The following ACACB variants were observed in gnomAD, a reference collection of about 807,000 sequenced individuals.
The protein encoded by ACACB is acetyl-CoA carboxylase beta.
In ACACB, 209 loss-of-function variants were observed where a neutral mutation model predicts 278.8. The ratio of observed to expected loss-of-function variants is 0.75; its 90% CI spans 0.67 to 0.84. The LOEUF (loss-of-function observed/expected upper bound fraction) is 0.84. Among genes scored for constraint, ACACB ranks in the 40% least tolerant of loss-of-function variants. ACACB has a pLI of 0.00. For missense variants in ACACB, 2,850 were observed against 3,269.0 expected, an observed-to-expected ratio of 0.87 and a Z score of 3.13; for synonymous variants, 1,174 against 1,285.6, an observed-to-expected ratio of 0.91 and a Z score of 1.86.
At position 109,252,027 on chromosome 12, in the gene ACACB, G is replaced by A. The variant is rs762609434; in HGVS notation, c.5791-19G>A. The stretch of plus-strand genomic sequence containing the variant: ...CCCTCGCCACTCTCCAGAATTCAGA[G>A]GGGGTCCTCTCTCCACAGGTGACCT... On this transcript the variant is annotated intron_variant, in intron 41 of 52. Coordinates refer to ENST00000338432, the MANE Select transcript of ACACB (RefSeq NM_001093.4). 5.7e-6 allele frequency: 9 copies of A among 1,592,588 alleles called. No homozygotes were observed. Among genetic ancestry groups the A allele is most frequent in the Admixed American group, 5.2e-5 (3 of 57,764 alleles).
At chr12:109,254,068 C>A in intron 43 of ACACB, 146 bp from the exon 44 acceptor site, 1 of 927,908 alleles carries the variant, frequency 1.1e-6, no homozygotes, top group Non-Finnish European at 1.6e-6. Flanking sequence ...TGGCATTTTC[C>A]AATCAGAGCA....
At chr12:109,235,244 C>T (rs1304070420) in intron 31 of ACACB, 69 bp from the exon 32 acceptor site, 2 of 1,309,092 alleles carry the variant, frequency 1.5e-6, no homozygotes, top group Non-Finnish European at 1.1e-6. Flanking sequence ...CGTGTGGTAA[C>T]ATGCAGCAAT....
chr12:109,184,400 A>G (rs564848093), intron 11 of ACACB, among the ~76,000 whole-genome samples: 58 of 152,278 alleles, frequency 3.8e-4, no homozygotes, highest in African/African-American at 1.3e-3. Flanking sequence ...TTCGTAACAT[A>G]TGGCCTCTGA....
Position 109,188,052 on chromosome 12 carries a change from G to A in ACACB, c.2034G>A (p.Lys678=), listed in dbSNP as rs773963107. ...AGGAACTGAATTTCCGGAGCAGCAA[G>A]AACGTGTGGGGTTACTTCAGCGTGG... ...TVQELNFRSS[K]NVWGYFSVAA... is the part of the protein sequence containing the mutation. The change falls in exon 13 of 53, where the codon AAG becomes AAA. Residue 678 remains lysine (K), a synonymous_variant. Coordinates refer to ENST00000338432, the MANE Select transcript of ACACB (RefSeq NM_001093.4). 5.6e-6 allele frequency: 9 copies of A among 1,613,620 alleles called. No homozygotes were observed. In the South Asian group the frequency reaches 9.9e-5, roughly 18 times the overall value.
chr12:109,201,809 C>T, intron 19 of ACACB, 108 bp downstream of exon 19: 1 of 1,413,584 alleles, frequency 7.1e-7, no homozygotes, highest in Admixed American at 2.3e-5. Context: ...TCTCCTGCCT[C>T]CACCTGCAGA....
rs745709988 is a variant in ACACB at position 109,139,576 on chromosome 12, A to G, written c.171A>G (p.Thr57=). Residue 57 remains threonine (T), a synonymous_variant, in exon 2 of 53, where the codon ACA becomes ACG. Coordinates refer to ENST00000338432, the MANE Select transcript of ACACB (RefSeq NM_001093.4). ...PFPASDNSGE[T]PQRNGEGHTL... is the part of the protein sequence containing the mutation. The stretch of plus-strand genomic sequence containing the variant: ...CAGCCTCTGATAACTCAGGGGAGAC[A>G]CCGCAGAGAAATGGGGAGGGCCACA... The G allele has an allele frequency of 1.2e-6, 2 of 1,614,030 alleles. No individual in the cohort carries two copies. The highest frequency in any genetic ancestry group is 1.7e-6 in the Non-Finnish European group (2 of 1,179,984).
At chr12:109,217,366 A>G (rs1358714860) in intron 24 of ACACB, among the ~76,000 whole-genome samples, 1 of 152,214 alleles carries the variant, frequency 6.6e-6, no homozygotes, top group Non-Finnish European at 1.5e-5. Flanking sequence ...TGACCACTCA[A>G]CACTGCCTTT....
At chr12:109,212,426 A>G (rs2045875571) in intron 21 of ACACB, among the ~76,000 whole-genome samples, 1 of 152,218 alleles carries the variant, frequency 6.6e-6, no homozygotes, top group African/African-American at 2.4e-5. Flanking sequence ...ACCATAATGT[A>G]GAATCTGTGA....
At chr12:109,222,713 C>A in intron 25 of ACACB, 86 bp from the exon 26 acceptor site, 1 of 1,508,752 alleles carries the variant, frequency 6.6e-7, no homozygotes, top group Non-Finnish European at 9.2e-7. Flanking sequence ...TGCACAGTCC[C>A]ACCGTGCTGC....
intron 9 of ACACB, among the ~76,000 whole-genome samples, chr12:109,177,201 T>C (rs2044310068): frequency 6.6e-6 from 1 of 152,274 alleles, no homozygotes; most frequent in South Asian, 2.1e-4. Flanking sequence ...TTGGCAATTA[T>C]TTTGATGATT....
intron 7 of ACACB, among the ~76,000 whole-genome samples, chr12:109,175,526 C>T (rs1003988594): frequency 2.0e-5 from 3 of 152,128 alleles, no homozygotes; most frequent in African/African-American, 7.2e-5. Flanking sequence ...AGTGATCCTC[C>T]TGTATCAGCC....
intron 4 of ACACB, among the ~76,000 whole-genome samples, chr12:109,170,913 T>C (rs535564806): frequency 1.3e-5 from 2 of 152,116 alleles, no homozygotes; most frequent in African/African-American, 2.4e-5. Context: ...CACGACTCAT[T>C]GTAGCCTCGA....
In ACACB at chr12:109,266,254, C is replaced by T. The variant is rs766288768; in HGVS notation, c.7269C>T (p.Pro2423=). The T allele has an allele frequency of 1.2e-5, 20 of 1,612,896 alleles. No individual in the cohort carries two copies. The highest frequency in any genetic ancestry group is 8.0e-5 in the African/African-American group (6 of 74,820). The part of the protein sequence containing the change: ...KTIRGLVEEN[P]EVAVDCVIYL... ...CCCACAGCCTGGTTGAAGAAAACCC[C>T]GAGGTGGCCGTGGACTGTGTGATAT... The change falls in exon 53 of 53, where the codon CCC becomes CCT. Residue 2423 remains proline, a synonymous_variant. Coordinates refer to ENST00000338432, the MANE Select transcript of ACACB (RefSeq NM_001093.4).
At chr12:109,234,821 G>A (rs2046587288) in intron 31 of ACACB, among the ~76,000 whole-genome samples, 2 of 152,122 alleles carry the variant, frequency 1.3e-5, no homozygotes, top group Non-Finnish European at 2.9e-5. Context: ...CCGAGGGGAG[G>A]GAACTTAGAG....
chr12:109,242,092 C>T (rs2046815146), intron 36 of ACACB: 1 of 182,242 alleles, frequency 5.5e-6, no homozygotes, highest in African/African-American at 2.4e-5. Context: ...CACCATTGCA[C>T]ATCATTAAAA....
intron 36 of ACACB, 100 bp from the exon 37 acceptor site, chr12:109,242,336 TG>T: frequency 7.4e-7 from 1 of 1,346,962 alleles, no homozygotes; most frequent in Non-Finnish European, 1.0e-6. Context: ...TGACATGCTT[TG>T]CTTCCCCCAC....
At chr12:109,239,782 A>C (rs1246287764) in intron 34 of ACACB, 48 bp from the exon 35 acceptor site, 3 of 1,533,796 alleles carry the variant, frequency 2.0e-6, no homozygotes, top group Non-Finnish European at 2.6e-6. Context: ...AGCTGGGAGT[A>C]GGCCTGCACC....
At chr12:109,120,828 G>GAGGC (rs2042529903) in intron 1 of ACACB, among the ~76,000 whole-genome samples, 1 of 152,226 alleles carries the variant, frequency 6.6e-6, no homozygotes, top group African/African-American at 2.4e-5. Context: ...CTGAACAACA[G>GAGGC]ACTTTCTCTC....
chr12:109,135,778 C>T (rs191393139), intron 1 of ACACB, among the ~76,000 whole-genome samples: 2 of 149,982 alleles, frequency 1.3e-5, no homozygotes, highest in East Asian at 3.9e-4. Context: ...TCCAGTTGTT[C>T]CAGCACCATG....
Sources: allele counts gnomAD v4.1 joint callset (sites outside exome capture counted in the v4.1 genomes callset), GRCh38; gene constraint gnomAD v4.1.1; transcripts MANE v1.5; gene names NCBI Gene and HGNC (gene_info 2026-07-23, HGNC 2026-07-21).